SDK1: variants seen among roughly 807,000 people sequenced by gnomAD.
SDK1 encodes sidekick cell adhesion molecule 1.
In SDK1, 157 loss-of-function variants were observed where a neutral mutation model predicts 245.5. The observed-to-expected ratio is 0.64, with a 90% CI of 0.56 to 0.73. The LOEUF (loss-of-function observed/expected upper bound fraction) is 0.73. SDK1 is among the 30% of genes least tolerant of loss of function. The pLI is 0.00. For missense variants in SDK1, 3,583 were observed against 3,002.3 expected (o/e 1.19, Z -4.52); for synonymous variants, 1,647 against 1,278.5 (o/e 1.29, Z -6.15).
intron 32 of SDK1, among the ~76,000 whole-genome samples, chr7:4,171,556 T>G (rs1179253972): frequency 6.6e-6 from 1 of 152,178 alleles, no homozygotes; most frequent in African/African-American, 2.4e-5. Flanking sequence ...GGTTCTGGCC[T>G]GGTAGCTGAG....
chr7:3,479,990 C>G (rs898208199), intron 1 of SDK1, among the ~76,000 whole-genome samples: 2 of 152,070 alleles, frequency 1.3e-5, no homozygotes, highest in Non-Finnish European at 2.9e-5. Flanking sequence ...ATAATGCCCC[C>G]TCACCTGTCC....
intron 1 of SDK1, among the ~76,000 whole-genome samples, chr7:3,326,363 G>C (rs914704717): frequency 1.3e-5 from 2 of 152,092 alleles, no homozygotes; most frequent in Admixed American, 1.3e-4. Context: ...TGTAAATGTA[G>C]ATATATATTA....
At chr7:3,651,478 T>G (rs1038717744) in intron 4 of SDK1, among the ~76,000 whole-genome samples, 1 of 152,220 alleles carries the variant, frequency 6.6e-6, no homozygotes, top group Non-Finnish European at 1.5e-5. Context: ...AAAGTGAGAC[T>G]TATTGTTCTG....
chr7:3,644,590 C>T (rs78904234), intron 4 of SDK1, among the ~76,000 whole-genome samples: 2 of 150,842 alleles, frequency 1.3e-5, no homozygotes, highest in East Asian at 3.9e-4. Flanking sequence ...ATACTGAAAC[C>T]TTATCTCTAC....
intron 31 of SDK1, among the ~76,000 whole-genome samples, chr7:4,160,753 C>T (rs1256347112): frequency 1.3e-5 from 2 of 152,192 alleles, no homozygotes; most frequent in Non-Finnish European, 2.9e-5. Flanking sequence ...CTAGAGGGCC[C>T]ACCATTAAGC....
intron 1 of SDK1, among the ~76,000 whole-genome samples, chr7:3,589,131 C>T (rs73673630): frequency 0.011 from 1,609 of 152,342 alleles, 23 homozygotes; most frequent in African/African-American, 0.029. Context: ...TGGAAACTGA[C>T]TTCACAGTTA....
At chr7:3,387,889 T>C (rs994495569) in intron 1 of SDK1, among the ~76,000 whole-genome samples, 5 of 152,212 alleles carry the variant, frequency 3.3e-5, no homozygotes, top group Admixed American at 2.6e-4. Flanking sequence ...GTAGCTAATA[T>C]TATAATCCTT....
chr7:3,775,481 G>C (rs1436144287), intron 4 of SDK1, among the ~76,000 whole-genome samples: 2 of 150,646 alleles, frequency 1.3e-5, no homozygotes, highest in Non-Finnish European at 3.0e-5. Context: ...TGTATCTCCA[G>C]CTCTGACACA....
In SDK1 at chr7:3,691,143, A is replaced by G. The variant is rs532618011; in HGVS notation, c.713+49038A>G. ...TTGTAGATAATTACACCAATGTTTC[A>G]TTCCTTAGAATCACCTTTCAACATG... On this transcript the variant is annotated intron_variant, in intron 4 of 44. Transcript: ENST00000404826. Among the ~76,000 whole-genome samples the G allele has an allele frequency of 1.6e-4, 25 of 152,266 alleles. No homozygotes were observed. The East Asian group carries it at 4.8e-3, about 29-fold the overall frequency.
At chr7:3,487,648 G>A (rs1227630764) in intron 1 of SDK1, among the ~76,000 whole-genome samples, 1 of 150,020 alleles carries the variant, frequency 6.7e-6, no homozygotes, top group East Asian at 1.9e-4. Flanking sequence ...CCAGCTATTC[G>A]GAAGACTGAG....
intron 5 of SDK1, among the ~76,000 whole-genome samples, chr7:3,943,925 T>C (rs1780473606): frequency 6.6e-6 from 1 of 152,170 alleles, no homozygotes; most frequent in South Asian, 2.1e-4. Context: ...CCTTTCTGCC[T>C]CTGAAGCTAC....
intron 5 of SDK1, among the ~76,000 whole-genome samples, chr7:3,928,510 A>G (rs1005551175): frequency 2.0e-5 from 3 of 152,170 alleles, no homozygotes; most frequent in Non-Finnish European, 2.9e-5. Flanking sequence ...ATGAAATTGT[A>G]GGACTGATTT....
intron 17 of SDK1, among the ~76,000 whole-genome samples, chr7:4,030,416 G>A (rs1204023816): frequency 1.3e-5 from 2 of 152,228 alleles, no homozygotes; most frequent in Non-Finnish European, 2.9e-5. Context: ...CACCCTGCAC[G>A]AGTTGACGTA....
At chr7:3,551,830 T>C (rs1779424807) in intron 1 of SDK1, among the ~76,000 whole-genome samples, 1 of 152,108 alleles carries the variant, frequency 6.6e-6, no homozygotes, top group Admixed American at 6.5e-5. Context: ...CATGAGCCAC[T>C]GCACCTGGCC....
At chr7:3,682,859 C>T (rs1446452838) in intron 4 of SDK1, among the ~76,000 whole-genome samples, 2 of 152,176 alleles carry the variant, frequency 1.3e-5, no homozygotes, top group South Asian at 2.1e-4. Flanking sequence ...CTGCCTCAGC[C>T]TCCTGAGTAG....
At chr7:3,880,183 G>A (rs527800551) in intron 5 of SDK1, among the ~76,000 whole-genome samples, 2 of 152,192 alleles carry the variant, frequency 1.3e-5, no homozygotes, top group African/African-American at 4.8e-5. Flanking sequence ...AGATGGATGC[G>A]TTCTGCAACT....
chr7:4,139,559 A>ATATGTGTGTGTG (rs1779371217), intron 28 of SDK1, among the ~76,000 whole-genome samples: 1 of 12,018 alleles, frequency 8.3e-5, no homozygotes, highest in South Asian at 4.0e-3. Context: ...GTATATGTAT[A>ATATGTGTGTGTG]TATGTGTGTA....
intron 25 of SDK1, among the ~76,000 whole-genome samples, chr7:4,120,635 G>A (rs1783994124): frequency 7.7e-6 from 1 of 129,400 alleles, no homozygotes; most frequent in Non-Finnish European, 1.8e-5. Context: ...TCTTTTTTTT[G>A]AGGTGGAGTC....
At chr7:3,498,346 T>C (rs1782087869) in intron 1 of SDK1, among the ~76,000 whole-genome samples, 1 of 152,202 alleles carries the variant, frequency 6.6e-6, no homozygotes, top group South Asian at 2.1e-4. Flanking sequence ...TAGAAACTTT[T>C]AGGCTAGTTT....
Sources: allele counts gnomAD v4.1 joint callset (sites outside exome capture counted in the v4.1 genomes callset), GRCh38; gene constraint gnomAD v4.1.1; transcripts MANE v1.5; gene names NCBI Gene and HGNC (gene_info 2026-07-23, HGNC 2026-07-21).